Variants in RIN2 observed in about 807,000 individuals in gnomAD.
RIN2 encodes RAB5 interacting protein 2.
In RIN2, 36 loss-of-function variants were observed where a neutral mutation model predicts 78.0. The observed-to-expected ratio is 0.46, with a 90% CI of 0.35 to 0.61. The LOEUF is 0.61. Ranked by LOEUF, RIN2 falls within the 20% of genes least tolerant of loss-of-function variation. The pLI, the probability that RIN2 is intolerant of heterozygous loss-of-function variation, is 0.00. For missense variants in RIN2, 1,087 were observed against 1,159.7 expected (o/e 0.94, Z 0.91); for synonymous variants, 466 against 466.8 (o/e 1.00, Z 0.02).
chr20:19,803,835 G>C (rs998595102), intron 2 of RIN2, among the ~76,000 whole-genome samples: 3 of 152,142 alleles, frequency 2.0e-5, no homozygotes, highest in Admixed American at 2.0e-4. Flanking sequence ...TTGAGCATGG[G>C]ATGTTTTTCC....
chr20:19,864,747 C>T (rs1372274689), intron 2 of RIN2, among the ~76,000 whole-genome samples: 2 of 152,104 alleles, frequency 1.3e-5, no homozygotes. Context: ...CTGAAATAGG[C>T]TACATATACT....
chr20:19,993,943 C>A (rs1401887517), intron 11 of RIN2, among the ~76,000 whole-genome samples: 2 of 152,166 alleles, frequency 1.3e-5, no homozygotes, highest in Admixed American at 1.3e-4. Flanking sequence ...CTTAGAAAGT[C>A]GATTCTGTTG....
At chr20:19,954,731 CCCCTCACCCCTGTGT>C (rs1765944019) in intron 4 of RIN2, among the ~76,000 whole-genome samples, 3 of 135,252 alleles carry the variant, frequency 2.2e-5, no homozygotes, top group East Asian at 2.5e-4. Flanking sequence ...CACCCCTGTG[CCCCTCACCCCTGTGT>C]CCCTGACCTG....
At chr20:19,909,732 T>A (rs2039380475) in intron 3 of RIN2, among the ~76,000 whole-genome samples, 1 of 152,210 alleles carries the variant, frequency 6.6e-6, no homozygotes, top group African/African-American at 2.4e-5. Flanking sequence ...CCATAGGTAG[T>A]AGGAGCCAGC....
rs1568731017 is a variant in RIN2 at position 19,764,916 on chromosome 20, G to GTGTTTTTTTTT, written c.-163+6589_-163+6590insTGTTTTTTTTT. On this transcript the variant is annotated intron_variant, in intron 1 of 12. Transcript: ENST00000255006. ...AAGGGCAAGTCCCACTTCACTTTCT[G>GTGTTTTTTTTT]CGTTTTTTTTTTTTTTTTTTTTTTT... Among the ~76,000 whole-genome samples, 7 of 35,346 alleles carry GTGTTTTTTTTT rather than the reference G, an allele frequency of 2.0e-4. 1 individual carries two copies. Among genetic ancestry groups the GTGTTTTTTTTT allele is most frequent in the Admixed American group, 4.4e-4 (1 of 2,256 alleles). The allele number at this position is 35,346 out of a possible 152,430, so 23.2% of individuals were successfully genotyped here.
rs573536725 is a variant in RIN2, at chr20:19,896,294, T to C, written c.57+6636T>C. On this transcript the variant is annotated intron_variant, in intron 3 of 12. Coordinates refer to ENST00000255006, the MANE Select transcript of RIN2 (RefSeq NM_018993.4). ...GCCTCCGGCTCCCAGGTTCAATCAA[T>C]TTTCCTGCCTCAGCCTCCCAAGTAG... Among the ~76,000 whole-genome samples the C allele has an allele frequency of 2.0e-5, 3 of 152,298 alleles. 1 individual carries two copies. In the South Asian group the frequency reaches 6.2e-4, roughly 32 times the overall value.
chr20:19,937,993 C>T (rs1020329148), intron 4 of RIN2, among the ~76,000 whole-genome samples: 7 of 152,204 alleles, frequency 4.6e-5, no homozygotes, highest in African/African-American at 1.2e-4. Flanking sequence ...GCCCACCTCC[C>T]GTCCTGTCTC....
intron 1 of RIN2, among the ~76,000 whole-genome samples, chr20:19,759,513 T>TA (rs896795218): frequency 5.3e-5 from 8 of 152,160 alleles, no homozygotes; most frequent in East Asian, 1.9e-4. Flanking sequence ...AAATTGAATG[T>TA]AAAAAATTCA....
intron 2 of RIN2, among the ~76,000 whole-genome samples, chr20:19,818,860 C>T (rs1245314644): frequency 2.6e-5 from 4 of 151,390 alleles, no homozygotes; most frequent in African/African-American, 9.7e-5. Flanking sequence ...GTAACCGAAA[C>T]ATTCATCAGT....
At chr20:19,915,039 G>T (rs181706431) in intron 3 of RIN2, among the ~76,000 whole-genome samples, 1 of 152,290 alleles carries the variant, frequency 6.6e-6, no homozygotes, top group Non-Finnish European at 1.5e-5. Flanking sequence ...GGCCCTACGG[G>T]TAGTGAAGGT....
At chr20:19,842,387 CTTTTTTTTTTTTTTTTTTTTT>C (rs139642869) in intron 2 of RIN2, among the ~76,000 whole-genome samples, 1 of 46,208 alleles carries the variant, frequency 2.2e-5, no homozygotes. Context: ...CCATCCCTGG[CTTTTTTTTTTTTTTTTTTTTT>C]TTTTTGTATT....
intron 2 of RIN2, among the ~76,000 whole-genome samples, chr20:19,838,992 G>C (rs13040980): frequency 0.2 from 30,508 of 152,096 alleles, 3,677 homozygotes; most frequent in African/African-American, 0.33. Flanking sequence ...CCATCCATGA[G>C]TGGACCAACC....
At chr20:19,949,149 G>C (rs1457848533) in intron 4 of RIN2, among the ~76,000 whole-genome samples, 1 of 152,202 alleles carries the variant, frequency 6.6e-6, no homozygotes, top group Admixed American at 6.5e-5. Flanking sequence ...GGGCATGGTG[G>C]TGTGTGCCTG....
intron 2 of RIN2, among the ~76,000 whole-genome samples, chr20:19,820,900 T>A (rs936437850): frequency 6.6e-6 from 1 of 152,180 alleles, no homozygotes; most frequent in Non-Finnish European, 1.5e-5. Flanking sequence ...CCATGCGGTA[T>A]AAATACTCCC....
chr20:19,774,194 A>G (rs1266400422), intron 1 of RIN2, among the ~76,000 whole-genome samples: 1 of 152,168 alleles, frequency 6.6e-6, no homozygotes, highest in Non-Finnish European at 1.5e-5. Context: ...TGCATCTAAA[A>G]TGACATAAAT....
intron 2 of RIN2, among the ~76,000 whole-genome samples, chr20:19,826,543 G>A (rs1450117688): frequency 6.6e-6 from 1 of 152,118 alleles, no homozygotes. Context: ...GTAAATTTAA[G>A]GAAAATTCAC....
At chr20:19,876,853 C>T (rs1480835745) in intron 2 of RIN2, among the ~76,000 whole-genome samples, 1 of 150,244 alleles carries the variant, frequency 6.7e-6, no homozygotes, top group Non-Finnish European at 1.5e-5. Context: ...TTGCAGTGAG[C>T]TGAGATCTCA....
At chr20:19,757,827 G>A (rs948647760), upstream of RIN2, 9 of 152,412 alleles carry the variant, frequency 5.9e-5, no homozygotes, top group Non-Finnish European at 1.0e-4. Flanking sequence ...GCAGAAGACA[G>A]GGGCGGCAGC....
chr20:19,860,792 C>T (rs1215021856), intron 2 of RIN2, among the ~76,000 whole-genome samples: 1 of 152,194 alleles, frequency 6.6e-6, no homozygotes, highest in South Asian at 2.1e-4. Flanking sequence ...ATGTCCCTCA[C>T]TGGACTATGA....
Sources: gnomAD v4.1 joint callset for allele counts (sites outside exome capture counted in the v4.1 genomes callset) on GRCh38, gnomAD v4.1.1 for gene constraint, MANE v1.5 for transcripts, NCBI Gene and HGNC (gene_info 2026-07-23, HGNC 2026-07-21) for gene names.